CADM2: variants seen among roughly 807,000 people sequenced by gnomAD.
The protein encoded by CADM2 is immunoglobulin superfamily member 4D.
In CADM2, 12 loss-of-function variants were observed where a neutral mutation model predicts 49.8. The observed-to-expected ratio is 0.24, with a 90% CI of 0.15 to 0.39. The LOEUF (loss-of-function observed/expected upper bound fraction) is 0.39, where lower values mean the gene tolerates loss of function less well. Among genes scored for constraint, CADM2 ranks in the 10% least tolerant of loss-of-function variants. The pLI, the probability that CADM2 is intolerant of heterozygous loss-of-function variation, is 1.00. For synonymous variants in CADM2, 214 were observed against 175.4 expected (o/e 1.22, Z -1.74); for missense variants, 378 against 492.3 (o/e 0.77, Z 2.20).
chr3:85,129,713 A>AT (rs2107606980), intron 1 of CADM2, among the ~76,000 whole-genome samples: 1 of 152,250 alleles, frequency 6.6e-6, no homozygotes, highest in African/African-American at 2.4e-5. Context: ...ATGACAAGGT[A>AT]TTTTTATTTT....
At chr3:85,107,703 C>CT (rs60535953) in intron 1 of CADM2, among the ~76,000 whole-genome samples, 14,451 of 95,194 alleles carry the variant, frequency 0.15, 1,340 homozygotes, top group East Asian at 0.35. Context: ...CTTTCTCTTT[C>CT]TTTTTTTTTT....
At chr3:85,317,000 A>T (rs2044480954) in intron 1 of CADM2, among the ~76,000 whole-genome samples, 1 of 152,074 alleles carries the variant, frequency 6.6e-6, no homozygotes, top group Admixed American at 6.6e-5. Context: ...GCTTTGAGCC[A>T]GTGTAAAATG....
At chr3:85,389,910 G>A (rs897635280) in intron 1 of CADM2, among the ~76,000 whole-genome samples, 4 of 151,978 alleles carry the variant, frequency 2.6e-5, no homozygotes, top group African/African-American at 9.7e-5. Context: ...GAAGAGAATT[G>A]TTGATAAAAG....
intron 1 of CADM2, among the ~76,000 whole-genome samples, chr3:85,662,505 A>C (rs983010549): frequency 6.6e-6 from 1 of 151,892 alleles, no homozygotes; most frequent in African/African-American, 2.4e-5. Context: ...TCTCCCTCTG[A>C]TTTTTAAATA....
chr3:86,041,936 G>A (rs1193437249), intron 8 of CADM2, among the ~76,000 whole-genome samples: 5 of 152,164 alleles, frequency 3.3e-5, no homozygotes, highest in Middle Eastern at 3.4e-3. Flanking sequence ...ACTCAAAACC[G>A]CTCAACTACG....
At chr3:85,474,544 T>C (rs2107615229) in intron 1 of CADM2, among the ~76,000 whole-genome samples, 2 of 152,106 alleles carry the variant, frequency 1.3e-5, no homozygotes, top group South Asian at 4.1e-4. Flanking sequence ...TGCAGCCAAG[T>C]TGACACATAC....
chr3:85,417,277 T>C (rs2035960134), intron 1 of CADM2, among the ~76,000 whole-genome samples: 1 of 152,164 alleles, frequency 6.6e-6, no homozygotes, highest in South Asian at 2.1e-4. Context: ...CAAAATCCTG[T>C]TTGGAAATCC....
Position 85,944,513 on chromosome 3 carries a change from G to T in CADM2, c.791+8656G>T, listed in dbSNP as rs575142735. On this transcript the variant is annotated intron_variant, in intron 7 of 9. Coordinates refer to ENST00000383699, the MANE Select transcript of CADM2 (RefSeq NM_001167675.2). ...CACACCTATTCCAAAATTGACCACA[G>T]AGTTGGAAGTAAAGCACTCCTCAGC... 2.8e-4 allele frequency among the ~76,000 whole-genome samples: 42 copies of T among 152,028 alleles called. 1 individual carries two copies. Among genetic ancestry groups the T allele is most frequent in the South Asian group, 1.0e-3 (5 of 4,820 alleles).
chr3:85,792,659 C>T (rs895785132), intron 2 of CADM2, among the ~76,000 whole-genome samples: 6 of 152,198 alleles, frequency 3.9e-5, no homozygotes, highest in African/African-American at 1.2e-4. Flanking sequence ...GCTATGGCCA[C>T]ATTTAATCTT....
chr3:85,637,494 C>G (rs957394544), intron 1 of CADM2, among the ~76,000 whole-genome samples: 5 of 148,188 alleles, frequency 3.4e-5, no homozygotes, highest in Admixed American at 3.4e-4. Context: ...CCCAGCTACT[C>G]GGGAGGCTGA....
intron 1 of CADM2, among the ~76,000 whole-genome samples, chr3:85,534,670 C>T (rs962131185): frequency 2.0e-5 from 3 of 152,142 alleles, no homozygotes; most frequent in African/African-American, 7.2e-5. Flanking sequence ...TCTGCTGGCC[C>T]CATATCTAGG....
chr3:85,344,104 C>CG (rs2030265291), intron 1 of CADM2, among the ~76,000 whole-genome samples: 1 of 151,904 alleles, frequency 6.6e-6, no homozygotes, highest in Non-Finnish European at 1.5e-5. Context: ...ATTGTATGGG[C>CG]CGGGCTCACG....
At chr3:85,016,691 G>A (rs1474971310) in intron 1 of CADM2, among the ~76,000 whole-genome samples, 3 of 151,968 alleles carry the variant, frequency 2.0e-5, no homozygotes, top group African/African-American at 4.8e-5. Flanking sequence ...TACTTGGGAC[G>A]CTGAGGCAGG....
chr3:85,050,871 T>C (rs1349705975), intron 1 of CADM2, among the ~76,000 whole-genome samples: 1 of 152,158 alleles, frequency 6.6e-6, no homozygotes, highest in Non-Finnish European at 1.5e-5. Context: ...GGACAAGAAG[T>C]ATTGAATTCT....
intron 7 of CADM2, among the ~76,000 whole-genome samples, chr3:85,953,447 C>T (rs1006296751): frequency 9.3e-5 from 14 of 151,036 alleles, no homozygotes; most frequent in African/African-American, 1.9e-4. Flanking sequence ...TGAGGGCAAG[C>T]ATTCTACCCA....
At chr3:85,265,868 C>G (rs1208353001) in intron 1 of CADM2, among the ~76,000 whole-genome samples, 1 of 151,914 alleles carries the variant, frequency 6.6e-6, no homozygotes, top group Non-Finnish European at 1.5e-5. Flanking sequence ...TTCTTTGTAT[C>G]ATATAATAAA....
intron 3 of CADM2, among the ~76,000 whole-genome samples, chr3:85,807,435 G>T (rs1190528039): frequency 2.1e-5 from 3 of 145,290 alleles, no homozygotes; most frequent in Non-Finnish European, 4.4e-5. Flanking sequence ...GGAGGCAGAG[G>T]TTGCAGTGAA....
At chr3:85,671,001 T>C (rs1275516613) in intron 1 of CADM2, among the ~76,000 whole-genome samples, 1 of 152,170 alleles carries the variant, frequency 6.6e-6, no homozygotes, top group African/African-American at 2.4e-5. Context: ...GGCAGAGTGA[T>C]TCAGTGATAT....
At chr3:85,478,980 T>C (rs1393361710) in intron 1 of CADM2, among the ~76,000 whole-genome samples, 1 of 151,872 alleles carries the variant, frequency 6.6e-6, no homozygotes, top group Non-Finnish European at 1.5e-5. Context: ...GGTCTCTCTC[T>C]ACAAACCAGG....
Sources: gnomAD v4.1 joint callset for allele counts (sites outside exome capture counted in the v4.1 genomes callset) on GRCh38, gnomAD v4.1.1 for gene constraint, MANE v1.5 for transcripts, NCBI Gene and HGNC (gene_info 2026-07-23, HGNC 2026-07-21) for gene names.